WWOX: variants seen among roughly 807,000 people sequenced by gnomAD.
WWOX encodes WW domain containing oxidoreductase.
A neutral mutation model predicts 46.2 loss-of-function variants in WWOX; 69 were observed. That is an observed-to-expected ratio of 1.49 (90% CI 1.23 to 1.82). The LOEUF (loss-of-function observed/expected upper bound fraction) is 1.82, where lower values mean the gene tolerates loss of function less well. Ranked by LOEUF, WWOX falls within the 40% of genes most tolerant of loss-of-function variation. The probability of loss-of-function intolerance (pLI) is 0.00; values close to 1 mark genes in which losing one functional copy is unlikely to be tolerated. For synonymous variants in WWOX, 359 were observed against 202.6 expected (o/e 1.77, Z -6.56); for missense variants, 919 against 542.6 (o/e 1.69, Z -6.89).
At chr16:78,442,919 G>C (rs1272430842) in intron 8 of WWOX, among the ~76,000 whole-genome samples, 1 of 152,040 alleles carries the variant, frequency 6.6e-6, no homozygotes, top group African/African-American at 2.4e-5. Flanking sequence ...TCAGGAGATT[G>C]AGACCATCCT....
chr16:78,618,290 G>C (rs548616836), intron 8 of WWOX, among the ~76,000 whole-genome samples: 14 of 152,322 alleles, frequency 9.2e-5, no homozygotes, highest in African/African-American at 2.9e-4. Context: ...TTGGGCTGCT[G>C]TAGAAATACC....
At chr16:78,872,982 A>G (rs2044159745) in intron 8 of WWOX, 1 of 152,186 alleles carries the variant, frequency 6.6e-6, no homozygotes, top group Admixed American at 6.6e-5. Flanking sequence ...GTTTCTGTAA[A>G]GATGAGGTCT....
intron 5 of WWOX, among the ~76,000 whole-genome samples, chr16:78,227,966 C>T (rs1390108975): frequency 6.6e-6 from 1 of 152,106 alleles, no homozygotes; most frequent in East Asian, 1.9e-4. Flanking sequence ...ATTTATATTC[C>T]ATTTCACCAC....
At chr16:79,015,943 A>T (rs149969129) in intron 8 of WWOX, among the ~76,000 whole-genome samples, 3,668 of 152,076 alleles carry the variant, frequency 0.024, 163 homozygotes, top group African/African-American at 0.084. Flanking sequence ...TAGAGACAGG[A>T]TTTCGCCATG....
chr16:78,676,218 A>C (rs1315088122), intron 8 of WWOX, among the ~76,000 whole-genome samples: 1 of 151,564 alleles, frequency 6.6e-6, no homozygotes, highest in Non-Finnish European at 1.5e-5. Flanking sequence ...AGCTACCATC[A>C]AGCAGAAGAA....
At chr16:78,104,313 A>G (rs1311238499) in intron 1 of WWOX, among the ~76,000 whole-genome samples, 2 of 150,506 alleles carry the variant, frequency 1.3e-5, no homozygotes, top group African/African-American at 4.9e-5. Flanking sequence ...CTGCTAACTT[A>G]CACTGTGCTC....
chr16:78,992,891 T>A (rs950120785), intron 8 of WWOX, among the ~76,000 whole-genome samples: 6 of 152,256 alleles, frequency 3.9e-5, no homozygotes, highest in Non-Finnish European at 8.8e-5. Context: ...AAATTTCCAA[T>A]TTTTTAGTTT....
intron 8 of WWOX, among the ~76,000 whole-genome samples, chr16:79,049,854 G>T (rs1285139921): frequency 7.0e-6 from 1 of 141,922 alleles, no homozygotes; most frequent in Non-Finnish European, 1.5e-5. Context: ...AAAAAAAAAA[G>T]TTACTTCTGA....
At chr16:79,040,275 A>ATT (rs35194921) in intron 8 of WWOX, among the ~76,000 whole-genome samples, 3,054 of 139,180 alleles carry the variant, frequency 0.022, 72 homozygotes, top group Middle Eastern at 0.041. Flanking sequence ...TTCTGAGTTG[A>ATT]TTTTTTTTTT....
intron 8 of WWOX, among the ~76,000 whole-genome samples, chr16:78,578,178 A>G (rs1214261593): frequency 6.8e-6 from 1 of 147,812 alleles, no homozygotes; most frequent in Non-Finnish European, 1.5e-5. Context: ...ACAATTAAAA[A>G]TAATCTCATA....
chr16:78,670,721 A>G lies in WWOX; in HGVS notation c.1056+237969A>G, dbSNP rs530283543. 8.0e-4 allele frequency among the ~76,000 whole-genome samples: 122 copies of G among 152,236 alleles called. 4 individuals are homozygous for G. The South Asian group carries it at 0.024, about 30-fold the overall frequency. ...GAGATAGAGTCTTGCCATCTTGCCC[A>G]GGCTAGTCTCAAACTGTTGGGCTGA... On this transcript the variant is annotated intron_variant, in intron 8 of 8. Transcript: ENST00000566780.
intron 5 of WWOX, among the ~76,000 whole-genome samples, chr16:78,246,167 C>T (rs1203820141): frequency 6.6e-6 from 1 of 152,126 alleles, no homozygotes; most frequent in East Asian, 1.9e-4. Flanking sequence ...TTTCTGTTGC[C>T]ATTGAAACAT....
In WWOX at chr16:79,051,200, T is replaced by G. The variant is rs536177726; in HGVS notation, c.1057-160408T>G. Among the ~76,000 whole-genome samples the G allele has an allele frequency of 1.9e-4, 29 of 152,266 alleles. No homozygotes were observed. The South Asian group carries it at 5.8e-3, about 31-fold the overall frequency. ...AGCCTGTTGGGAGAAAAAGTTGTCTTTAGAGGAGTAAAGTGTTGCCTTGCT... is the reference window on the plus strand; with the variant it reads ...AGCCTGTTGGGAGAAAAAGTTGTCTGTAGAGGAGTAAAGTGTTGCCTTGCT... On this transcript the variant is annotated intron_variant, in intron 8 of 8. Transcript: ENST00000566780.
intron 8 of WWOX, among the ~76,000 whole-genome samples, chr16:78,634,418 G>C (rs2550615): frequency 0.81 from 123,097 of 152,140 alleles, 50,078 homozygotes; most frequent in Middle Eastern, 0.88. Flanking sequence ...GTTCAAAGTT[G>C]TAGGGACAGC....
chr16:78,139,400 CT>C (rs1454964254), intron 4 of WWOX, among the ~76,000 whole-genome samples: 1 of 152,126 alleles, frequency 6.6e-6, no homozygotes, highest in Admixed American at 6.5e-5. Context: ...AATCCCAGTA[CT>C]TTGGGAGGCC....
At chr16:78,198,503 C>G (rs2036128216) in intron 5 of WWOX, among the ~76,000 whole-genome samples, 2 of 152,176 alleles carry the variant, frequency 1.3e-5, no homozygotes, top group African/African-American at 4.8e-5. Flanking sequence ...AGAATGGGCT[C>G]TATGCCAGTG....
At chr16:78,495,001 G>C (rs1021169236) in intron 8 of WWOX, among the ~76,000 whole-genome samples, 12 of 152,138 alleles carry the variant, frequency 7.9e-5, no homozygotes, top group Non-Finnish European at 1.8e-4. Flanking sequence ...CGAAACCCAG[G>C]GGGTCAAGCC....
intron 8 of WWOX, among the ~76,000 whole-genome samples, chr16:78,746,659 A>G (rs949034214): frequency 4.0e-5 from 6 of 151,794 alleles, no homozygotes; most frequent in Non-Finnish European, 7.4e-5. Flanking sequence ...ATGTGCTTGC[A>G]TGATTGGCTT....
chr16:78,715,631 C>T (rs1294132010), intron 8 of WWOX, among the ~76,000 whole-genome samples: 1 of 152,132 alleles, frequency 6.6e-6, no homozygotes, highest in Non-Finnish European at 1.5e-5. Context: ...AGGCACATGC[C>T]ACCACACCCA....
Sources: gnomAD v4.1 joint callset for allele counts (sites outside exome capture counted in the v4.1 genomes callset) on GRCh38, gnomAD v4.1.1 for gene constraint, MANE v1.5 for transcripts, NCBI Gene and HGNC (gene_info 2026-07-23, HGNC 2026-07-21) for gene names.